The following SLC3A1 variants were observed in gnomAD, a reference collection of about 807,000 sequenced individuals.
SLC3A1 encodes solute carrier family 3 member 1.
SLC3A1 carries 78 observed loss-of-function variants against 60.3 expected under a neutral mutation model. The observed-to-expected ratio is 1.29, with a 90% CI of 1.08 to 1.56. The LOEUF (loss-of-function observed/expected upper bound fraction) is 1.56, where lower values mean the gene tolerates loss of function less well. Among genes scored for constraint, SLC3A1 ranks in the 40% most tolerant of loss-of-function variants. The pLI, the probability that SLC3A1 is intolerant of heterozygous loss-of-function variation, is 0.00. For synonymous variants in SLC3A1, 392 were observed against 307.9 expected (o/e 1.27, Z -2.86); for missense variants, 1,172 against 858.9 (o/e 1.36, Z -4.56).
intron 7 of SLC3A1, among the ~76,000 whole-genome samples, chr2:44,306,412 G>A (rs1444721183): frequency 6.6e-6 from 1 of 152,144 alleles, no homozygotes; most frequent in Non-Finnish European, 1.5e-5. Flanking sequence ...CATTGCCAGA[G>A]CCTTTCTCCG....
chr2:44,283,136 T>C (rs1671538208), intron 3 of SLC3A1, among the ~76,000 whole-genome samples: 1 of 152,132 alleles, frequency 6.6e-6, no homozygotes, highest in Non-Finnish European at 1.5e-5. Flanking sequence ...AGTCCCTCCT[T>C]CTCTCTTCTG....
At chr2:44,295,417 CT>C (rs974456101) in intron 4 of SLC3A1, among the ~76,000 whole-genome samples, 5 of 152,136 alleles carry the variant, frequency 3.3e-5, no homozygotes, top group Admixed American at 3.3e-4. Flanking sequence ...ATCTGGAACC[CT>C]GAGAGACCTT....
intron 5 of SLC3A1, 137 bp from the exon 6 acceptor site, chr2:44,300,863 TCTC>T: frequency 1.1e-6 from 1 of 883,338 alleles, no homozygotes; most frequent in South Asian, 1.4e-5. Flanking sequence ...GAAGCATTCT[TCTC>T]CATCCACAAA....
At position 44,320,247 on chromosome 2, in the gene SLC3A1, A is replaced by C; in HGVS notation, c.1666A>C (p.Ser556Arg). Residue 556 changes from serine to arginine, a missense_variant, in exon 10 of 10, where the codon AGT (serine) becomes CGT (arginine). By Grantham distance (110) the Ser-to-Arg change is moderately radical. Coordinates refer to ENST00000260649, the MANE Select transcript of SLC3A1 (RefSeq NM_000341.4). The part of the protein sequence containing the change: ...RSALKLYQDL[S>R]LLHANELLLN... ...GGCTTTGAAGTTATATCAAGATTTA[A>C]GTCTACTTCATGCCAATGAGCTACT... 2 of 1,614,086 alleles carry C rather than the reference A, an allele frequency of 1.2e-6. No homozygotes were observed. Among genetic ancestry groups the C allele is most frequent in the Non-Finnish European group, 1.7e-6 (2 of 1,179,942 alleles).
chr2:44,311,737 C>G (rs72802986), intron 7 of SLC3A1, among the ~76,000 whole-genome samples: 1 of 135,992 alleles, frequency 7.4e-6, no homozygotes, highest in Non-Finnish European at 1.6e-5. Flanking sequence ...AAAAAAAAAA[C>G]CCAACCTCCT....
chr2:44,300,894 G>A (rs541397758), intron 5 of SLC3A1, 109 bp from the exon 6 acceptor site: 212 of 1,250,886 alleles, frequency 1.7e-4, no homozygotes, highest in Middle Eastern at 1.1e-3. Flanking sequence ...TTGAGTGTGC[G>A]TCTCGCTTGG....
intron 6 of SLC3A1, among the ~76,000 whole-genome samples, chr2:44,303,194 T>A (rs1672061169): frequency 6.6e-6 from 1 of 150,870 alleles, no homozygotes; most frequent in Non-Finnish European, 1.5e-5. Flanking sequence ...AGAGTAAAAC[T>A]CTGTCTCAAG....
At chr2:44,297,371 C>A (rs1295772832) in intron 4 of SLC3A1, among the ~76,000 whole-genome samples, 1 of 152,184 alleles carries the variant, frequency 6.6e-6, no homozygotes, top group East Asian at 1.9e-4. Flanking sequence ...GTCCTCCCAC[C>A]TGTCCCAGTA....
chr2:44,296,526 T>C (rs897207293), intron 4 of SLC3A1, among the ~76,000 whole-genome samples: 1 of 152,218 alleles, frequency 6.6e-6, no homozygotes, highest in African/African-American at 2.4e-5. Context: ...TTGGGTCACC[T>C]GTGCCCATGA....
intron 5 of SLC3A1, 94 bp downstream of exon 5, chr2:44,300,184 G>A (rs1671967028): frequency 6.0e-6 from 8 of 1,327,538 alleles, no homozygotes; most frequent in African/African-American, 2.9e-5. Context: ...TTACAAAGAT[G>A]AGTTTTGTCC....
chr2:44,304,639 C>T (rs2104370825), intron 7 of SLC3A1, among the ~76,000 whole-genome samples: 1 of 152,088 alleles, frequency 6.6e-6, no homozygotes, highest in Middle Eastern at 3.4e-3. Flanking sequence ...TTTATGATGT[C>T]AATGGGAAGA....
At chr2:44,309,175 T>TAA (rs1232692739) in intron 7 of SLC3A1, among the ~76,000 whole-genome samples, 1 of 152,230 alleles carries the variant, frequency 6.6e-6, no homozygotes, top group African/African-American at 2.4e-5. Context: ...ACTTTTATCA[T>TAA]CCCAAACAGA....
Position 44,321,151 on chromosome 2 carries a change from C to T in SLC3A1, c.*512C>T, listed in dbSNP as rs1672905804. Reference sequence around the variant, plus strand: ...GGAGCATGATTTGAAAATTACTTTCCTAGGTTAATGGGCATGTGCATCAAT... The same window carrying T: ...GGAGCATGATTTGAAAATTACTTTCTTAGGTTAATGGGCATGTGCATCAAT... On this transcript the variant is annotated 3_prime_UTR_variant, in exon 10 of 10. Coordinates refer to ENST00000260649, the MANE Select transcript of SLC3A1 (RefSeq NM_000341.4). 1.8e-6 allele frequency: 1 copy of T among 547,244 alleles called. No individual in the cohort carries two copies. Among genetic ancestry groups the T allele is most frequent in the Admixed American group, 3.2e-5 (1 of 31,464 alleles). 33.9% of individuals were successfully genotyped at this position (547,244 alleles called of 1,614,324 possible).
chr2:44,279,754 G>A (rs1214831202), intron 1 of SLC3A1, among the ~76,000 whole-genome samples: 1 of 151,786 alleles, frequency 6.6e-6, no homozygotes, highest in African/African-American at 2.4e-5. Context: ...TTTAAGACGG[G>A]GTTTTATCAT....
chr2:44,293,167 A>G (rs1671775628), intron 4 of SLC3A1, among the ~76,000 whole-genome samples: 2 of 152,114 alleles, frequency 1.3e-5, no homozygotes, highest in Admixed American at 1.3e-4. Flanking sequence ...GAAATATCTT[A>G]GGTATGTAGA....
In SLC3A1 at chr2:44,302,619, T is replaced by C. The variant is rs150733541; in HGVS notation, c.1136+1492T>C. ...CTGCCTCAAATAGCTAAAGCCAGCA[T>C]TGATCGGAGTCATTTCAGGTGAATG... On this transcript the variant is annotated intron_variant, in intron 6 of 9. Coordinates refer to ENST00000260649, the MANE Select transcript of SLC3A1 (RefSeq NM_000341.4). Among the ~76,000 whole-genome samples the C allele has an allele frequency of 2.6e-3, 396 of 152,332 alleles. 2 individuals carry two copies. The highest frequency in any genetic ancestry group is 4.9e-3 in the Admixed American group (75 of 15,300).
chr2:44,281,558 C>T lies in SLC3A1; in HGVS notation c.765+17C>T. ...AACAACTGGGTAAGTATCAACCTGT[C>T]TGACTTACAAAGGGGTAAAAGGCAG... On this transcript the variant is annotated intron_variant, in intron 3 of 9. Transcript: ENST00000260649. 2 of 1,613,234 alleles carry T rather than the reference C, an allele frequency of 1.2e-6. No individual in the cohort carries two copies. Among genetic ancestry groups the T allele is most frequent in the South Asian group, 2.2e-5 (2 of 91,042 alleles).
intron 3 of SLC3A1, among the ~76,000 whole-genome samples, chr2:44,282,495 A>T (rs1671523287): frequency 6.6e-6 from 1 of 151,304 alleles, no homozygotes; most frequent in Non-Finnish European, 1.5e-5. Flanking sequence ...CTTCCTACTC[A>T]CTCCTTTTAC....
In SLC3A1 at chr2:44,275,835, C is replaced by T. The variant is rs115030299; in HGVS notation, c.300C>T (p.Leu100=). ...TCACAGTGGCTTCTGTGCTGGTGCT[C>T]ATCGCGGCCACCATAGCCATCATTG... ...FWLTVASVLV[L]IAATIAIIAL... is the part of the protein sequence containing the mutation. Residue 100 remains leucine (L), a synonymous_variant, in exon 1 of 10, where the codon CTC becomes CTT. Coordinates refer to ENST00000260649, the MANE Select transcript of SLC3A1 (RefSeq NM_000341.4). 5.7e-4 allele frequency: 922 copies of T among 1,614,252 alleles called. 7 individuals carry two copies. In the African/African-American group the frequency reaches 0.011, roughly 20 times the overall value.
Sources: allele counts gnomAD v4.1 joint callset (sites outside exome capture counted in the v4.1 genomes callset), GRCh38; gene constraint gnomAD v4.1.1; transcripts MANE v1.5; gene names NCBI Gene and HGNC (gene_info 2026-07-23, HGNC 2026-07-21).